Variants in INPP5A observed in about 807,000 individuals in gnomAD.
INPP5A encodes the protein inositol polyphosphate-5-phosphatase A.
INPP5A carries 14 observed loss-of-function variants against 65.2 expected under a neutral mutation model. The observed-to-expected ratio is 0.21, with a 90% CI of 0.14 to 0.34. The LOEUF (loss-of-function observed/expected upper bound fraction) is 0.34. INPP5A is among the 10% of genes least tolerant of loss of function. The pLI is 1.00. For missense variants in INPP5A, 431 were observed against 545.6 expected (o/e 0.79, Z 2.09); for synonymous variants, 207 against 208.3 (o/e 0.99, Z 0.05).
chr10:132,637,716 G>A lies in INPP5A; in HGVS notation c.118-8152G>A, dbSNP rs73401233. ...CCCCCGAGGTTGATGGGCGCTCTCC[G>A]TCTCTTTCTCCCAGTGGTCCATTCT... On this transcript the variant is annotated intron_variant, in intron 2 of 15. Transcript: ENST00000368594. This position sits in a 1 kb window ranked among gnomAD's most constrained non-coding sequence, Gnocchi z 4.1. Among the ~76,000 whole-genome samples, 453 of 152,206 alleles carry A rather than the reference G, an allele frequency of 3.0e-3. 2 individuals are homozygous for A. Among genetic ancestry groups the A allele is most frequent in the African/African-American group, 0.01 (430 of 41,516 alleles).
At chr10:132,614,680 T>C (rs1417638259) in intron 2 of INPP5A, among the ~76,000 whole-genome samples, 2 of 152,252 alleles carry the variant, frequency 1.3e-5, no homozygotes, top group East Asian at 3.9e-4. Flanking sequence ...AGAATGCTTA[T>C]GGCCCCTCCC....
chr10:132,719,880 C>T (rs1307828574), intron 8 of INPP5A, among the ~76,000 whole-genome samples: 6 of 148,810 alleles, frequency 4.0e-5, no homozygotes, highest in East Asian at 2.1e-4. Context: ...GCGCCTTAGA[C>T]GGCTGTCTTC....
rs185511072 is a variant in INPP5A, at chr10:132,663,205, A to G, written c.306+12700A>G. 1.3e-5 allele frequency among the ~76,000 whole-genome samples: 2 copies of G among 152,310 alleles called. No individual in the cohort carries two copies. Among genetic ancestry groups the G allele is most frequent in the Admixed American group, 1.3e-4 (2 of 15,304 alleles). ...ATATGCGTATGTTATATAAAATTGA[A>G]AAGACTTTCTTCTCGTTAAATCTTA... On this transcript the variant is annotated intron_variant, in intron 4 of 15. Coordinates refer to ENST00000368594, the MANE Select transcript of INPP5A (RefSeq NM_005539.5). The surrounding 1 kb of genome is among the most constrained non-coding windows in gnomAD (Gnocchi z 4.5).
intron 1 of INPP5A, among the ~76,000 whole-genome samples, chr10:132,563,615 C>T (rs1454578949): frequency 6.6e-6 from 1 of 152,212 alleles, no homozygotes; most frequent in East Asian, 1.9e-4. Flanking sequence ...GTTCCTCTCT[C>T]AGGACTGCTG....
intron 1 of INPP5A, among the ~76,000 whole-genome samples, chr10:132,594,565 CCACATG>C (rs1377897964): frequency 2.7e-5 from 4 of 150,352 alleles, no homozygotes; most frequent in African/African-American, 7.4e-5. Context: ...GTAGGTGTGC[CCACATG>C]CACATGCATA....
rs1293808437 is a variant in INPP5A at position 132,753,420 on chromosome 10, G to GA, written c.903+3578dup. On this transcript the variant is annotated intron_variant, in intron 11 of 15. Transcript: ENST00000368594. The surrounding 1 kb of genome is among the most constrained non-coding windows in gnomAD (Gnocchi z 5.3). ...CCGCCGGTCTTGTACCCGTCTGACA[G>GA]AAATTTAATTCAGGCTGGCTCCTGA... Among the ~76,000 whole-genome samples the GA allele has an allele frequency of 6.6e-6, 1 of 152,234 alleles. No homozygotes were observed. The highest frequency in any genetic ancestry group is 2.4e-5 in the African/African-American group (1 of 41,464).
At chr10:132,615,326 C>G (rs754887302) in intron 2 of INPP5A, among the ~76,000 whole-genome samples, 1 of 152,244 alleles carries the variant, frequency 6.6e-6, no homozygotes, top group Non-Finnish European at 1.5e-5. Context: ...GATGCAACTG[C>G]TGGTTTTAGC....
intron 4 of INPP5A, among the ~76,000 whole-genome samples, chr10:132,656,602 C>T (rs1041695612): frequency 1.3e-5 from 2 of 152,154 alleles, no homozygotes; most frequent in Non-Finnish European, 1.5e-5. Flanking sequence ...GCGGGCTGCC[C>T]CACCTCGCCT....
chr10:132,558,219 G>T (rs941361322), intron 1 of INPP5A, among the ~76,000 whole-genome samples: 30 of 152,184 alleles, frequency 2.0e-4, no homozygotes, highest in African/African-American at 6.5e-4. Context: ...ATGTGATGGG[G>T]TGTGCCAAGG....
rs534468939 is a variant in INPP5A at position 132,777,607 on chromosome 10, G to A, written c.978-64G>A. On this transcript the variant is annotated intron_variant, in intron 12 of 15. Coordinates refer to ENST00000368594, the MANE Select transcript of INPP5A (RefSeq NM_005539.5). ...GTATTGGGAGAGAATCGGCACAGCC[G>A]TCCCTTTGGGGCTGAGGACGGCCCG... 48 of 1,451,108 alleles carry A rather than the reference G, an allele frequency of 3.3e-5. No individual in the cohort carries two copies. In the South Asian group the frequency reaches 4.1e-4, roughly 13 times the overall value. The allele number at this position is 1,451,108 out of a possible 1,614,324, so 89.9% of individuals were successfully genotyped here. A position where few individuals can be genotyped will look rare whatever the true frequency, so the allele number is the denominator to read the frequency against.
intron 1 of INPP5A, among the ~76,000 whole-genome samples, chr10:132,593,309 C>T (rs769397053): frequency 5.3e-5 from 8 of 151,858 alleles, no homozygotes; most frequent in Non-Finnish European, 1.0e-4. Context: ...AATGCCGGGG[C>T]GTGGGGAGCC....
Position 132,762,938 on chromosome 10 carries a change from G to A in INPP5A, c.904-2835G>A, listed in dbSNP as rs139823534. On this transcript the variant is annotated intron_variant, in intron 11 of 15. Transcript: ENST00000368594. The surrounding 1 kb of genome is among the most constrained non-coding windows in gnomAD (Gnocchi z 4.6). ...CAGGAGGCAGAGGTTGCAGTGAGCCGAGATCACATCACTGCACTCCAGCCT... is the reference window on the plus strand; with the variant it reads ...CAGGAGGCAGAGGTTGCAGTGAGCCAAGATCACATCACTGCACTCCAGCCT... Among the ~76,000 whole-genome samples, 19 of 152,278 alleles carry A rather than the reference G, an allele frequency of 1.2e-4. No homozygotes were observed. Among genetic ancestry groups the A allele is most frequent in the African/African-American group, 3.4e-4 (14 of 41,552 alleles).
rs369948359 is a variant in INPP5A at position 132,584,376 on chromosome 10, TG to T, written c.76-23536del. ...GTGAAACCATCTGTGCCTTTTTTTGTGGGAAGGTTTTTGATATGACTCAAAT... is the reference window on the plus strand; with the variant it reads ...GTGAAACCATCTGTGCCTTTTTTTGTGGAAGGTTTTTGATATGACTCAAAT... On this transcript the variant is annotated intron_variant, in intron 1 of 15. Transcript: ENST00000368594. 1.5e-3 allele frequency among the ~76,000 whole-genome samples: 228 copies of T among 152,356 alleles called. 1 individual carries two copies. Among genetic ancestry groups the T allele is most frequent in the African/African-American group, 5.1e-3 (213 of 41,576 alleles).
rs2072967976 is a variant in INPP5A at position 132,676,624 on chromosome 10, A to G, written c.307-13768A>G. Among the ~76,000 whole-genome samples, 1 of 152,164 alleles carries G rather than the reference A, an allele frequency of 6.6e-6. No individual in the cohort carries two copies. The highest frequency in any genetic ancestry group is 2.1e-4 in the South Asian group (1 of 4,834). On this transcript the variant is annotated intron_variant, in intron 4 of 15. Coordinates refer to ENST00000368594, the MANE Select transcript of INPP5A (RefSeq NM_005539.5). This position sits in a 1 kb window ranked among gnomAD's most constrained non-coding sequence, Gnocchi z 4.0. ...TGGCCTACAGACTGCTGTCCCGGCC[A>G]GTGCTCCGCTCCCTGCGCCCCTGAT...
At chr10:132,717,409 C>G (rs1285634924) in intron 8 of INPP5A, among the ~76,000 whole-genome samples, 2 of 151,464 alleles carry the variant, frequency 1.3e-5, no homozygotes, top group African/African-American at 4.9e-5. Flanking sequence ...GTGACTCCAC[C>G]CAGTGAGCAG....
intron 8 of INPP5A, among the ~76,000 whole-genome samples, chr10:132,710,684 GAGGT>G (rs1397280406): frequency 1.3e-5 from 2 of 150,754 alleles, no homozygotes; most frequent in Admixed American, 6.6e-5. Flanking sequence ...TGTGGATGGA[GAGGT>G]AGGTGTGGAT....
At chr10:132,756,293 CTAG>C (rs1433732956) in intron 11 of INPP5A, among the ~76,000 whole-genome samples, 1 of 151,632 alleles carries the variant, frequency 6.6e-6, no homozygotes, top group Non-Finnish European at 1.5e-5. Flanking sequence ...TGCATGTGCA[CTAG>C]TGTGTGTGGT....
At chr10:132,669,552 C>T (rs945234608) in intron 4 of INPP5A, among the ~76,000 whole-genome samples, 3 of 152,210 alleles carry the variant, frequency 2.0e-5, no homozygotes, top group Non-Finnish European at 2.9e-5. Context: ...GGGGGACCGT[C>T]GGTGACATTT....
intron 12 of INPP5A, among the ~76,000 whole-genome samples, chr10:132,774,041 C>T (rs957651957): frequency 6.6e-6 from 1 of 152,232 alleles, no homozygotes; most frequent in South Asian, 2.1e-4. Context: ...GGATGACAGG[C>T]GTGAGCCCCC....
Sources: gnomAD v4.1 joint callset for allele counts (sites outside exome capture counted in the v4.1 genomes callset) on GRCh38, gnomAD v4.1.1 for gene constraint, Gnocchi (gnomAD v3.1) non-coding constraint, MANE v1.5 for transcripts, NCBI Gene and HGNC (gene_info 2026-07-23, HGNC 2026-07-21) for gene names.